The following DST variants were observed in gnomAD, a reference collection of about 807,000 sequenced individuals.
DST encodes the protein bullous pemphigoid antigen.
A neutral mutation model predicts 875.2 loss-of-function variants in DST; 253 were observed. The ratio of observed to expected loss-of-function variants is 0.29; its 90% CI spans 0.26 to 0.32. DST has a LOEUF of 0.32. Among genes scored for constraint, DST ranks in the 10% least tolerant of loss-of-function variants. The pLI is 1.00. For missense variants in DST, 8,287 were observed against 9,111.6 expected (o/e 0.91, Z 3.68); for synonymous variants, 3,124 against 3,197.1 (o/e 0.98, Z 0.77).
intron 4 of DST, among the ~76,000 whole-genome samples, chr6:56,785,058 AATGCTGCTGTCTG>A (rs1392674682): frequency 6.6e-6 from 1 of 152,134 alleles, no homozygotes; most frequent in Admixed American, 6.5e-5. Context: ...GTGATCCGCG[AATGCTGCTGTCTG>A]ATCGTTCCTC....
At chr6:56,929,330 G>A (rs1281739617) in intron 2 of DST, among the ~76,000 whole-genome samples, 2 of 152,068 alleles carry the variant, frequency 1.3e-5, no homozygotes, top group Admixed American at 6.5e-5. Context: ...TTAATAGGCG[G>A]ATGATTAGCT....
chr6:56,938,932 G>A (rs190587234), intron 2 of DST, among the ~76,000 whole-genome samples: 30 of 152,328 alleles, frequency 2.0e-4, no homozygotes, highest in Non-Finnish European at 4.1e-4. Flanking sequence ...GTGCCCAACT[G>A]GGCACAGCCC....
chr6:56,820,404 AT>A (rs1261734446), intron 4 of DST, among the ~76,000 whole-genome samples: 1 of 152,226 alleles, frequency 6.6e-6, no homozygotes, highest in African/African-American at 2.4e-5. Context: ...CAAAGCCTTC[AT>A]TAAAAATTAA....
At chr6:56,686,177 C>A (rs910252425) in intron 9 of DST, among the ~76,000 whole-genome samples, 3 of 152,192 alleles carry the variant, frequency 2.0e-5, no homozygotes, top group Non-Finnish European at 4.4e-5. Flanking sequence ...GAAGCCATTA[C>A]ACTAAGTGAA....
Position 56,625,270 on chromosome 6 carries a change from T to G in DST, c.4723-6A>C. On this transcript the variant is annotated splice_polypyrimidine_tract_variant and splice_region_variant and intron_variant, in intron 34 of 103. Transcript: ENST00000680361. ...ATTGTTTGTAATTCATAGTCCTGTA[T>G]AAAGGAGTCAATAAGATAAAATGAA... 6.3e-7 allele frequency: 1 copy of G among 1,574,934 alleles called. No homozygotes were observed. Among genetic ancestry groups the G allele is most frequent in the Non-Finnish European group, 8.7e-7 (1 of 1,144,498 alleles).
chr6:56,611,437 C>T, intron 38 of DST, 71 bp downstream of exon 38: 5 of 1,035,570 alleles, frequency 4.8e-6, no homozygotes, highest in Non-Finnish European at 7.5e-6. Flanking sequence ...AATTTACCAC[C>T]TCTGTTTTGC....
Position 56,639,701 on chromosome 6 carries a change from G to A in DST, c.2692C>T (p.Leu898Phe). 2 of 1,613,544 alleles carry A rather than the reference G, an allele frequency of 1.2e-6. No homozygotes were observed. The highest frequency in any genetic ancestry group is 1.3e-5 in the African/African-American group (1 of 74,972). ...LHRLESQYAK[L>F]LNTSRNQERH... ...GTTTAAAAAAAAAAACTTACCAAGA[G>A]TTTTGCATACTGACTCTCTAATCTG... Residue 898 changes from leucine (L) to phenylalanine (F), a missense_variant, in exon 20 of 104, where the codon CTC becomes TTC. Physicochemically the swap from Leu to Phe is conservative, Grantham distance 22 (BLOSUM62 0). Coordinates refer to ENST00000680361, the MANE Select transcript of DST (RefSeq NM_001374736.1).
At chr6:56,473,723 T>C (rs2095021766) in intron 93 of DST, 150 bp downstream of exon 93, 1 of 697,642 alleles carries the variant, frequency 1.4e-6, no homozygotes, top group South Asian at 2.0e-5. Flanking sequence ...TCTACAATAC[T>C]TGAGCACACG....
At chr6:56,844,449 A>T (rs759526674) in intron 4 of DST, among the ~76,000 whole-genome samples, 70 of 152,214 alleles carry the variant, frequency 4.6e-4, no homozygotes, top group Admixed American at 1.2e-3. Context: ...TAGTACTAGT[A>T]TCCATTAAAC....
intron 4 of DST, among the ~76,000 whole-genome samples, chr6:56,783,256 T>C (rs1403832809): frequency 1.3e-5 from 2 of 152,336 alleles, no homozygotes; most frequent in Middle Eastern, 3.4e-3. Context: ...GGTGCAGAGC[T>C]GAGTCCAATT....
At chr6:56,738,532 G>C (rs1025554676) in intron 4 of DST, among the ~76,000 whole-genome samples, 3 of 152,160 alleles carry the variant, frequency 2.0e-5, no homozygotes, top group African/African-American at 7.2e-5. Flanking sequence ...GTGTTAGCCA[G>C]GATGGTCTCA....
rs1423883343 is a variant in DST, at chr6:56,592,408, A to G, written c.12727-50T>C. 4 of 1,389,244 alleles carry G rather than the reference A, an allele frequency of 2.9e-6. No individual in the cohort carries two copies. The Admixed American group carries it at 6.2e-5, about 21-fold the overall frequency. The allele number at this position is 1,389,244 out of a possible 1,614,324, so 86.1% of individuals were successfully genotyped here. ...TAGGAGATTAAAACCCACTATTTTC[A>G]TATGCATCAAATAATCTTAGGACCT... On this transcript the variant is annotated intron_variant, in intron 48 of 103. Coordinates refer to ENST00000680361, the MANE Select transcript of DST (RefSeq NM_001374736.1).
intron 98 of DST, chr6:56,466,846 A>C (rs1294197474): frequency 6.6e-6 from 1 of 152,206 alleles, no homozygotes; most frequent in Non-Finnish European, 1.5e-5. Context: ...GTAATATTAG[A>C]ATAGCCAATG....
At chr6:56,706,488 C>T (rs2099338438) in intron 5 of DST, among the ~76,000 whole-genome samples, 1 of 152,182 alleles carries the variant, frequency 6.6e-6, no homozygotes, top group Non-Finnish European at 1.5e-5. Flanking sequence ...TCTTCAGGAA[C>T]ATATCTATTA....
At chr6:56,726,464 T>A (rs2099458851) in intron 5 of DST, among the ~76,000 whole-genome samples, 1 of 152,176 alleles carries the variant, frequency 6.6e-6, no homozygotes, top group Non-Finnish European at 1.5e-5. Context: ...CAAAGCTAAT[T>A]AGTAACTTAG....
chr6:56,592,090 C>A, intron 49 of DST, 92 bp downstream of exon 49: 2 of 1,162,628 alleles, frequency 1.7e-6, no homozygotes, highest in East Asian at 5.0e-5. Flanking sequence ...CATTTGTTCC[C>A]CTCTCTTAGC....
At chr6:56,721,014 C>G (rs1284603695) in intron 5 of DST, among the ~76,000 whole-genome samples, 4 of 139,872 alleles carry the variant, frequency 2.9e-5, no homozygotes, top group African/African-American at 1.2e-4. Context: ...GGCTGCCGGG[C>G]GGGGGCAGCC....
chr6:56,953,109 G>A (rs904948922), intron 2 of DST, among the ~76,000 whole-genome samples: 2 of 152,192 alleles, frequency 1.3e-5, no homozygotes, highest in African/African-American at 4.8e-5. Context: ...AAAAAGAGGG[G>A]AAATTATCTT....
chr6:56,822,370 G>T (rs185919534), intron 4 of DST, among the ~76,000 whole-genome samples: 37 of 152,260 alleles, frequency 2.4e-4, no homozygotes, highest in Non-Finnish European at 3.2e-4. Flanking sequence ...TGGGACGCAG[G>T]GGGAGGCAGC....
Sources: gnomAD v4.1 joint callset for allele counts (sites outside exome capture counted in the v4.1 genomes callset) on GRCh38, gnomAD v4.1.1 for gene constraint, MANE v1.5 for transcripts, NCBI Gene and HGNC (gene_info 2026-07-23, HGNC 2026-07-21) for gene names.